KIF1A: variants seen among roughly 807,000 people sequenced by gnomAD.
The protein encoded by KIF1A is kinesin family member 1A, also known as kinesin-like protein KIF1A.
In KIF1A, 46 loss-of-function variants were observed where a neutral mutation model predicts 227.3. The ratio of observed to expected loss-of-function variants is 0.20; its 90% CI spans 0.16 to 0.26. The LOEUF is 0.26. Ranked by LOEUF, KIF1A falls within the 10% of genes least tolerant of loss-of-function variation. The probability of loss-of-function intolerance (pLI) is 1.00; values close to 1 mark genes in which losing one functional copy is unlikely to be tolerated. For missense variants in KIF1A, 1,683 were observed against 2,485.9 expected, an observed-to-expected ratio of 0.68 and a Z score of 6.87; for synonymous variants, 1,022 against 1,012.8, an observed-to-expected ratio of 1.01 and a Z score of -0.17.
Position 240,740,281 on chromosome 2 carries a change from G to A in KIF1A, c.3816+17C>T. The A allele has an allele frequency of 6.2e-7, 1 of 1,610,064 alleles. No homozygotes were observed. The highest frequency in any genetic ancestry group is 8.5e-7 in the Non-Finnish European group (1 of 1,177,398). ...GGGAGGGGACACAGGCAGGGTAGGG[G>A]CAAGAGGGGCTCACACCTGGTGGAG... On this transcript the variant is annotated intron_variant, in intron 36 of 48. Coordinates refer to ENST00000498729, the MANE Select transcript of KIF1A (RefSeq NM_001244008.2). The surrounding 1 kb of genome is among the most constrained non-coding windows in gnomAD (Gnocchi z 6.1).
intron 1 of KIF1A, among the ~76,000 whole-genome samples, chr2:240,812,772 A>ATCTGCCTTCACCTCTGGG (rs1559549715): frequency 1.6e-4 from 19 of 120,340 alleles, no homozygotes; most frequent in African/African-American, 5.0e-4. Context: ...TCACCTTGGG[A>ATCTGCCTTCACCTCTGGG]TCTGCCTTCA....
intron 10 of KIF1A, 85 bp from the exon 11 acceptor site, chr2:240,776,011 G>C (rs2052682432): frequency 1.1e-6 from 1 of 929,636 alleles, no homozygotes; most frequent in Non-Finnish European, 1.8e-6. Flanking sequence ...CCTGCCAAGT[G>C]GGTCCTCAAA....
At chr2:240,751,871 C>T (rs547911717) in intron 27 of KIF1A, among the ~76,000 whole-genome samples, 1 of 152,240 alleles carries the variant, frequency 6.6e-6, no homozygotes, top group South Asian at 2.1e-4. Flanking sequence ...CATCTGCGGC[C>T]TCAAGCCTCC....
intron 27 of KIF1A, among the ~76,000 whole-genome samples, chr2:240,753,007 C>T (rs2125840059): frequency 6.6e-6 from 1 of 152,304 alleles, no homozygotes; most frequent in South Asian, 2.1e-4. Flanking sequence ...GCTGCCTTCC[C>T]AAAGCTTAGG....
chr2:240,720,613 T>C, intron 45 of KIF1A: 1 of 243,960 alleles, frequency 4.1e-6, no homozygotes, highest in South Asian at 1.1e-4. Flanking sequence ...AACCTTTTCT[T>C]TTTCCATTAT....
At chr2:240,738,806 C>A (rs1035522407) in intron 37 of KIF1A, among the ~76,000 whole-genome samples, 1 of 152,230 alleles carries the variant, frequency 6.6e-6, no homozygotes, top group African/African-American at 2.4e-5. Context: ...CCGAAGGATG[C>A]GTCCTTTCAA....
intron 15 of KIF1A, 93 bp downstream of exon 15, chr2:240,770,878 G>T: frequency 6.8e-7 from 1 of 1,460,960 alleles, no homozygotes; most frequent in Non-Finnish European, 9.3e-7. Context: ...TATGAGGATG[G>T]GCTGTACCCA....
In KIF1A at chr2:240,723,467, G is replaced by A. The variant is rs761778151; in HGVS notation, c.4410C>T (p.Asp1470=). 5 of 1,552,092 alleles carry A rather than the reference G, an allele frequency of 3.2e-6. No homozygotes were observed. Among genetic ancestry groups the A allele is most frequent in the Non-Finnish European group, 4.4e-6 (5 of 1,148,066 alleles). The change falls in exon 42 of 49, where the codon GAC becomes GAT. Residue 1470 remains aspartate, a synonymous_variant. Coordinates refer to ENST00000498729, the MANE Select transcript of KIF1A (RefSeq NM_001244008.2). ...ENLAGWRPRS[D]SLILDHQWEL... is the part of the protein sequence containing the mutation. ...CCCACTGGTGGTCCAGAATGAGACT[G>A]TCACTCCGGGGCCTCCAGCCTGCCA...
chr2:240,760,006 G>A (rs1470135324), intron 25 of KIF1A, among the ~76,000 whole-genome samples: 2 of 150,832 alleles, frequency 1.3e-5, no homozygotes, highest in Non-Finnish European at 2.9e-5. Context: ...ACAGAGCAAG[G>A]CCCTGTCTCT....
At chr2:240,728,192 C>T (rs1011509497) in intron 38 of KIF1A, among the ~76,000 whole-genome samples, 5 of 152,120 alleles carry the variant, frequency 3.3e-5, no homozygotes, top group South Asian at 2.1e-4. Context: ...TCTCACAAGT[C>T]GGGGGTGTGG....
At chr2:240,722,248 G>A (rs1279799003) in intron 43 of KIF1A, among the ~76,000 whole-genome samples, 1 of 152,226 alleles carries the variant, frequency 6.6e-6, no homozygotes, top group Non-Finnish European at 1.5e-5. Flanking sequence ...CGCTTGGGAA[G>A]GGAGGCTGCA....
chr2:240,719,965 C>T (rs769695239), intron 45 of KIF1A, 39 bp from the exon 46 acceptor site: 2 of 1,546,762 alleles, frequency 1.3e-6, no homozygotes, highest in Non-Finnish European at 1.7e-6. Context: ...TGCAGGCCTC[C>T]CTGGGCCTGG....
intron 29 of KIF1A, among the ~76,000 whole-genome samples, chr2:240,746,784 C>T (rs1575565200): frequency 6.6e-6 from 1 of 152,220 alleles, no homozygotes; most frequent in Admixed American, 6.5e-5. Context: ...CTGGACACAG[C>T]GCCGGCCCTT....
At chr2:240,744,445 A>G (rs1000657470) in intron 32 of KIF1A, among the ~76,000 whole-genome samples, 2 of 152,194 alleles carry the variant, frequency 1.3e-5, no homozygotes, top group South Asian at 2.1e-4. Flanking sequence ...CCAAATTCGT[A>G]TGTTGAAGTC....
At chr2:240,816,826 G>A (rs1331324355) in intron 1 of KIF1A, among the ~76,000 whole-genome samples, 1 of 152,238 alleles carries the variant, frequency 6.6e-6, no homozygotes, top group Non-Finnish European at 1.5e-5. Flanking sequence ...GCAAGGAGCA[G>A]GAGAGGTCAG....
chr2:240,738,379 C>T (rs2047594684), intron 37 of KIF1A, among the ~76,000 whole-genome samples: 2 of 152,210 alleles, frequency 1.3e-5, no homozygotes, highest in African/African-American at 4.8e-5. Context: ...GGTCTCTCCT[C>T]GACTTTCATC....
intron 7 of KIF1A, among the ~76,000 whole-genome samples, chr2:240,784,440 C>T (rs768776074): frequency 2.0e-5 from 3 of 152,238 alleles, no homozygotes; most frequent in South Asian, 4.1e-4. Context: ...GCTTCACCCT[C>T]GTCTGTCCCC....
chr2:240,767,033 G>C lies in KIF1A; in HGVS notation c.1578-12C>G. On this transcript the variant is annotated splice_polypyrimidine_tract_variant and intron_variant, in intron 18 of 48. Transcript: ENST00000498729. The stretch of plus-strand genomic sequence containing the variant: ...CCTCCCTGCCCACTCTGCGGGGTGG[G>C]GGCACCATCAGCACGGCAGCTGGGA... 3.1e-6 allele frequency: 5 copies of C among 1,591,876 alleles called. No individual in the cohort carries two copies. The highest frequency in any genetic ancestry group is 4.3e-6 in the Non-Finnish European group (5 of 1,165,364).
intron 1 of KIF1A, among the ~76,000 whole-genome samples, chr2:240,807,095 T>G (rs2057469281): frequency 1.1e-5 from 1 of 94,018 alleles, no homozygotes; most frequent in Non-Finnish European, 2.1e-5. Context: ...TGTGTGTGTG[T>G]GTGTGTGTGT....
Sources: gnomAD v4.1 joint callset for allele counts (sites outside exome capture counted in the v4.1 genomes callset) on GRCh38, gnomAD v4.1.1 for gene constraint, Gnocchi (gnomAD v3.1) non-coding constraint, MANE v1.5 for transcripts, NCBI Gene and HGNC (gene_info 2026-07-23, HGNC 2026-07-21) for gene names.